Variants in LRRC37B observed in about 807,000 individuals in gnomAD.
LRRC37B encodes the protein leucine-rich repeat-containing protein 37B.
LRRC37B carries 28 observed loss-of-function variants against 98.3 expected under a neutral mutation model. The observed-to-expected ratio is 0.28, with a 90% CI of 0.21 to 0.39. The LOEUF is 0.39. LRRC37B is among the 10% of genes least tolerant of loss of function. The pLI, the probability that LRRC37B is intolerant of heterozygous loss-of-function variation, is 1.00. For synonymous variants in LRRC37B, 364 were observed against 442.7 expected (o/e 0.82, Z 2.23); for missense variants, 938 against 1,182.7 (o/e 0.79, Z 3.03).
intron 1 of LRRC37B, among the ~76,000 whole-genome samples, chr17:32,015,702 T>C (rs1910634079): frequency 6.6e-6 from 1 of 152,230 alleles, no homozygotes; most frequent in Admixed American, 6.5e-5. Flanking sequence ...CCTCTGCACC[T>C]CTGCCCTCGG....
intron 1 of LRRC37B, among the ~76,000 whole-genome samples, chr17:32,011,656 C>G (rs1352311397): frequency 6.6e-6 from 1 of 152,008 alleles, no homozygotes; most frequent in Non-Finnish European, 1.5e-5. Context: ...CACCACCACG[C>G]CCAGCTAATT....
chr17:32,016,467 A>G (rs1910650617), upstream of LRRC37B, among the ~76,000 whole-genome samples: 1 of 152,128 alleles, frequency 6.6e-6, no homozygotes, highest in Non-Finnish European at 1.5e-5. Context: ...GTTTGCATCA[A>G]TCCTGTTGTA....
chr17:32,047,633 C>T (rs760071081), intron 8 of LRRC37B, 128 bp from the exon 12 acceptor site: 2 of 1,387,772 alleles, frequency 1.4e-6, no homozygotes, highest in Non-Finnish European at 2.0e-6. Context: ...GTATGTTTCT[C>T]CTCTCTGAAT....
intron 1 of LRRC37B, among the ~76,000 whole-genome samples, chr17:32,012,955 T>G (rs1051080025): frequency 1.3e-4 from 20 of 152,108 alleles, no homozygotes; most frequent in African/African-American, 4.3e-4. Flanking sequence ...AGGCAGAGGT[T>G]GTAGTGAGCC....
intron 1 of LRRC37B, among the ~76,000 whole-genome samples, chr17:32,013,766 T>A (rs1243067399): frequency 3.3e-5 from 5 of 152,044 alleles, no homozygotes; most frequent in Non-Finnish European, 5.9e-5. Context: ...TATGTAGGTA[T>A]ATAGATATGT....
At chr17:32,027,961 T>A (rs1193863150) in intron 3 of LRRC37B, 121 bp downstream of exon 6, 1 of 719,516 alleles carries the variant, frequency 1.4e-6, no homozygotes, top group African/African-American at 1.8e-5. Context: ...TTCTGTAAGT[T>A]TGTATAGGGT....
Position 32,024,902 on chromosome 17 carries a change from G to A in LRRC37B, c.1832+120G>A, listed in dbSNP as rs1910904322. The A allele has an allele frequency of 2.2e-6, 3 of 1,335,778 alleles. No homozygotes were observed. The African/African-American group carries it at 4.3e-5, about 19-fold the overall frequency. 82.7% of individuals were successfully genotyped at this position (1,335,778 alleles called of 1,614,324 possible). On this transcript the variant is annotated intron_variant, in intron 2 of 11. Coordinates refer to ENST00000327564, the Ensembl canonical transcript of LRRC37B. ...TATTTCCCCTCCATACCCCAAATCA[G>A]CCTCTGTGGATTGCAATCCTATGGT...
At chr17:32,032,418 A>G (rs1472139510) in intron 5 of LRRC37B, among the ~76,000 whole-genome samples, 1 of 152,234 alleles carries the variant, frequency 6.6e-6, no homozygotes. Flanking sequence ...TTAATTCCAT[A>G]TACTTTCCTG....
intron 1 of LRRC37B, among the ~76,000 whole-genome samples, chr17:32,015,202 G>A (rs1424919581): frequency 6.6e-6 from 1 of 152,152 alleles, no homozygotes; most frequent in Non-Finnish European, 1.5e-5. Context: ...AGGGATTGGG[G>A]GCAAATGGAA....
At chr17:32,023,689 G>C (rs1394744831) in intron 1 of LRRC37B, among the ~76,000 whole-genome samples, 2 of 152,186 alleles carry the variant, frequency 1.3e-5, no homozygotes, top group African/African-American at 4.8e-5. Flanking sequence ...AGCATATGTA[G>C]GAGTGTTGGC....
intron 10 of LRRC37B, 136 bp downstream of exon 13, chr17:32,049,530 C>T: frequency 1.3e-6 from 1 of 749,400 alleles, no homozygotes; most frequent in Non-Finnish European, 2.2e-6. Context: ...TGACAGTGAT[C>T]TCCCACTTTG....
At chr17:32,040,354 C>A (rs1481468012) in intron 7 of LRRC37B, 2 of 398,156 alleles carry the variant, frequency 5.0e-6, no homozygotes. Context: ...GTGGTGGGGC[C>A]CCTGAGGCGT....
At chr17:32,043,311 A>G (rs1457395246) in intron 7 of LRRC37B, among the ~76,000 whole-genome samples, 1 of 152,224 alleles carries the variant, frequency 6.6e-6, no homozygotes, top group East Asian at 1.9e-4. Flanking sequence ...CTGTAATCCC[A>G]GCACTTTGGG....
rs572712203 is a variant in LRRC37B at position 32,039,126 on chromosome 17, T to A, written c.2204+3487T>A. On this transcript the variant is annotated intron_variant, in intron 7 of 11. Coordinates refer to ENST00000327564, the Ensembl canonical transcript of LRRC37B. ...TATATGGTGTGAGGTTTATTGTTTT[T>A]TTGTTTTTTTGCCATTTTATTTTTA... 2.0e-5 allele frequency among the ~76,000 whole-genome samples: 3 copies of A among 152,142 alleles called. No individual in the cohort carries two copies. In the South Asian group the frequency reaches 6.2e-4, roughly 32 times the overall value.
Position 32,024,700 on chromosome 17 carries a change from T to C in LRRC37B, c.1761-11T>C. The C allele has an allele frequency of 6.2e-7, 1 of 1,607,340 alleles. No individual in the cohort carries two copies. Among genetic ancestry groups the C allele is most frequent in the Non-Finnish European group, 8.5e-7 (1 of 1,177,138 alleles). On this transcript the variant is annotated splice_polypyrimidine_tract_variant and intron_variant, in intron 1 of 11. Coordinates refer to ENST00000327564, the Ensembl canonical transcript of LRRC37B. ...TGCCTATTCAAGGATATAAACTGTC[T>C]TTCTTTGCAGAAATTTCCAAGGAAA...
At chr17:32,046,117 T>C (rs1351902104) in intron 8 of LRRC37B, among the ~76,000 whole-genome samples, 2 of 152,246 alleles carry the variant, frequency 1.3e-5, no homozygotes, top group African/African-American at 4.8e-5. Flanking sequence ...TGCTTGGTGC[T>C]TTGCCCCCAG....
At chr17:32,010,613 A>G (rs192537927) in intron 1 of LRRC37B, among the ~76,000 whole-genome samples, 1 of 152,350 alleles carries the variant, frequency 6.6e-6, no homozygotes, top group East Asian at 1.9e-4. Context: ...GGTATCCATC[A>G]TCTCAGATGT....
chr17:32,027,451 G>C (rs868337751), intron 2 of LRRC37B, among the ~76,000 whole-genome samples: 2 of 133,260 alleles, frequency 1.5e-5, no homozygotes, highest in Non-Finnish European at 3.0e-5. Flanking sequence ...GTGCTTGCCT[G>C]TGTGTGTGTG....
chr17:32,046,519 A>T (rs1310974426), intron 8 of LRRC37B, among the ~76,000 whole-genome samples: 2 of 151,344 alleles, frequency 1.3e-5, no homozygotes, highest in South Asian at 2.1e-4. Context: ...TCTACCAGTG[A>T]TATGGGGTGG....
Sources: allele counts gnomAD v4.1 joint callset (sites outside exome capture counted in the v4.1 genomes callset), GRCh38; gene constraint gnomAD v4.1.1; transcripts MANE v1.5; gene names NCBI Gene and HGNC (gene_info 2026-07-23, HGNC 2026-07-21).